LRRC9: variants seen among roughly 807,000 people sequenced by gnomAD.
LRRC9 encodes leucine rich repeat containing 9, also known as leucine-rich repeat-containing protein 9.
In LRRC9, 122 loss-of-function variants were observed where a neutral mutation model predicts 63.2. The observed-to-expected ratio is 1.93, with a 90% CI of 1.67 to 2.24. The LOEUF is 2.24. Ranked by LOEUF, LRRC9 falls within the 30% of genes most tolerant of loss-of-function variation. The pLI is 0.00. For synonymous variants in LRRC9, 366 were observed against 213.1 expected (o/e 1.72, Z -6.25); for missense variants, 1,071 against 627.7 (o/e 1.71, Z -7.55).
intron 7 of LRRC9, among the ~76,000 whole-genome samples, chr14:59,943,230 AGATC>A (rs2139850132): frequency 6.7e-6 from 1 of 149,988 alleles, no homozygotes; most frequent in East Asian, 2.1e-4. Context: ...GTATTTGCCT[AGATC>A]AATGTCCTGA....
chr14:60,024,896 C>T (rs1891407288), intron 27 of LRRC9, among the ~76,000 whole-genome samples: 1 of 151,756 alleles, frequency 6.6e-6, no homozygotes, highest in South Asian at 2.1e-4. Context: ...TTAGCTCCCA[C>T]GTGTAGGTAA....
rs1241025383 is a variant in LRRC9 at position 60,034,022 on chromosome 14, T to C, written c.3990+1959T>C. On this transcript the variant is annotated intron_variant, in intron 29 of 31. Transcript: ENST00000445360. ...TTATGTAATTTTTTCTTTCTTTTTT[T>C]TTTTTTTTTTTTTTTTGAGACAGAG... Among the ~76,000 whole-genome samples the C allele has an allele frequency of 3.1e-3, 443 of 141,722 alleles. 2 individuals are homozygous for C. The highest frequency in any genetic ancestry group is 4.7e-3 in the Non-Finnish European group (307 of 65,204). 93.0% of individuals were successfully genotyped at this position (141,722 alleles called of 152,430 possible).
At chr14:60,002,716 C>A (rs536780304) in intron 20 of LRRC9, among the ~76,000 whole-genome samples, 1 of 152,214 alleles carries the variant, frequency 6.6e-6, no homozygotes, top group East Asian at 1.9e-4. Context: ...ATGGGCTGGG[C>A]CTTGACTGCG....
intron 16 of LRRC9, among the ~76,000 whole-genome samples, chr14:59,982,408 C>T (rs1032503354): frequency 2.0e-5 from 3 of 151,974 alleles, no homozygotes; most frequent in African/African-American, 7.3e-5. Flanking sequence ...GAAGAGAATA[C>T]GTTTATTTAG....
intron 23 of LRRC9, among the ~76,000 whole-genome samples, chr14:60,012,923 A>AT (rs1369401077): frequency 2.2e-5 from 3 of 138,148 alleles, no homozygotes; most frequent in African/African-American, 7.6e-5. Context: ...TTTTTTATTT[A>AT]TTTTTTGTAC....
chr14:59,937,259 G>A (rs1890214017), intron 6 of LRRC9, among the ~76,000 whole-genome samples: 1 of 148,498 alleles, frequency 6.7e-6, no homozygotes, highest in East Asian at 2.0e-4. Flanking sequence ...GCCACATGTA[G>A]CCTCTACTGC....
chr14:60,059,730 G>C (rs913766465), intron 31 of LRRC9, among the ~76,000 whole-genome samples: 1 of 152,202 alleles, frequency 6.6e-6, no homozygotes, highest in Non-Finnish European at 1.5e-5. Context: ...AGAGAAGTTT[G>C]AAGCTAGCAA....
rs1359474958 is a variant in LRRC9 at position 60,058,790 on chromosome 14, T to A, written c.4276+768T>A. On this transcript the variant is annotated intron_variant, in intron 31 of 31. Coordinates refer to ENST00000445360, the Ensembl canonical transcript of LRRC9. The surrounding 1 kb of genome is among the most constrained non-coding windows in gnomAD (Gnocchi z 4.4). ...TATAAAATGATCTAAGAGCCTCCTA[T>A]AAAAAAAAGTAGACTGTTCCATGTG... 6.6e-6 allele frequency among the ~76,000 whole-genome samples: 1 copy of A among 151,632 alleles called. No individual in the cohort carries two copies. Among genetic ancestry groups the A allele is most frequent in the African/African-American group, 2.4e-5 (1 of 41,318 alleles).
intron 1 of LRRC9, among the ~76,000 whole-genome samples, chr14:59,926,748 G>A (rs901851130): frequency 1.3e-5 from 2 of 151,914 alleles, no homozygotes; most frequent in Non-Finnish European, 2.9e-5. Flanking sequence ...TTCAACATTT[G>A]TTTACGTGAA....
At chr14:59,987,838 A>G (rs1418636886) in intron 17 of LRRC9, among the ~76,000 whole-genome samples, 2 of 152,222 alleles carry the variant, frequency 1.3e-5, no homozygotes, top group Non-Finnish European at 2.9e-5. Context: ...ACAAAGAGAC[A>G]TTTCTCATTA....
intron 28 of LRRC9, chr14:60,030,446 G>T (rs896210657): frequency 6.6e-6 from 1 of 152,004 alleles, no homozygotes; most frequent in South Asian, 2.1e-4. Context: ...AGTCCTGTTT[G>T]ATCCCTGTGT....
At chr14:60,000,223 A>G (rs527746408) in intron 19 of LRRC9, among the ~76,000 whole-genome samples, 1 of 152,320 alleles carries the variant, frequency 6.6e-6, no homozygotes, top group African/African-American at 2.4e-5. Flanking sequence ...GTTCTTACTT[A>G]TAAGCGGGAG....
chr14:59,971,807 T>C (rs893750208), intron 12 of LRRC9, among the ~76,000 whole-genome samples: 3 of 152,150 alleles, frequency 2.0e-5, no homozygotes, highest in African/African-American at 7.2e-5. Flanking sequence ...CTGCGACCAC[T>C]TTCAACCCTT....
At chr14:59,934,082 T>C (rs142455835) in intron 6 of LRRC9, among the ~76,000 whole-genome samples, 355 of 151,948 alleles carry the variant, frequency 2.3e-3, no homozygotes, top group African/African-American at 8.0e-3. Context: ...AGTCAGGAGA[T>C]TCCAGGAATA....
chr14:59,935,294 A>C (rs200474122), intron 6 of LRRC9, among the ~76,000 whole-genome samples: 8 of 50,264 alleles, frequency 1.6e-4, no homozygotes, highest in Admixed American at 6.3e-4. Context: ...ACTAGGTCTC[A>C]AAAAAAAAAA....
At chr14:60,066,467 A>G (rs539011944), downstream of LRRC9, among the ~76,000 whole-genome samples, 1 of 152,232 alleles carries the variant, frequency 6.6e-6, no homozygotes, top group South Asian at 2.1e-4. Flanking sequence ...TCCTTTGGTT[A>G]TTCAGTGAAG....
intron 8 of LRRC9, among the ~76,000 whole-genome samples, chr14:59,949,569 C>T (rs1882873647): frequency 6.7e-6 from 1 of 148,380 alleles, no homozygotes. Flanking sequence ...TGTGTTTGCT[C>T]TTGCTTTTAA....
At chr14:59,945,772 T>C (rs1230028413) in intron 8 of LRRC9, among the ~76,000 whole-genome samples, 2 of 151,678 alleles carry the variant, frequency 1.3e-5, no homozygotes, top group Non-Finnish European at 2.9e-5. Context: ...AATAGAAAAA[T>C]TGAGCAAAGT....
chr14:59,934,308 A>C (rs1022800590), intron 6 of LRRC9, among the ~76,000 whole-genome samples: 22 of 152,128 alleles, frequency 1.4e-4, no homozygotes, highest in African/African-American at 5.1e-4. Flanking sequence ...AAAATACACA[A>C]ATCAGAAAAA....
Sources: allele counts gnomAD v4.1 joint callset (sites outside exome capture counted in the v4.1 genomes callset), GRCh38; gene constraint gnomAD v4.1.1; non-coding constraint Gnocchi (gnomAD v3.1); transcripts MANE v1.5; gene names NCBI Gene and HGNC (gene_info 2026-07-23, HGNC 2026-07-21).